The following LGSN variants were observed in gnomAD, a reference collection of about 807,000 sequenced individuals.
The protein encoded by LGSN is lengsin.
LGSN carries 21 observed loss-of-function variants against 19.5 expected under a neutral mutation model. The ratio of observed to expected loss-of-function variants is 1.07; its 90% confidence interval spans 0.76 to 1.55. The LOEUF (loss-of-function observed/expected upper bound fraction) is 1.55. LGSN is among the 40% of genes most tolerant of loss of function. LGSN has a pLI of 0.00. For missense variants in LGSN, 673 were observed against 608.5 expected (o/e 1.11, Z -1.12); for synonymous variants, 257 against 215.6 (o/e 1.19, Z -1.68).
chr6:63,504,935 T>G, the LGSN span, among the ~76,000 whole-genome samples: 1 of 152,174 alleles, frequency 6.6e-6, no homozygotes, highest in Non-Finnish European at 1.5e-5. Context: ...TCAGCTGGCC[T>G]GATGAGAAAG....
the LGSN span, among the ~76,000 whole-genome samples, chr6:63,526,301 G>A: frequency 3.3e-5 from 5 of 151,374 alleles, no homozygotes; most frequent in Admixed American, 2.6e-4. Context: ...CTCCAGCCTG[G>A]GTAACAGAGC....
chr6:63,501,589 A>G, the LGSN span, among the ~76,000 whole-genome samples: 80,795 of 149,892 alleles, frequency 0.54, 23,337 homozygotes, highest in African/African-American at 0.77. Flanking sequence ...GTCTAATGTG[A>G]AAAAAAAAAA....
the LGSN span, among the ~76,000 whole-genome samples, chr6:63,511,712 T>C: frequency 7.2e-5 from 11 of 152,346 alleles, no homozygotes; most frequent in East Asian, 1.9e-3. Flanking sequence ...TATTATTTTA[T>C]GGTTTTGAAT....
At chr6:63,403,344 A>G in the LGSN span, among the ~76,000 whole-genome samples, 1 of 152,122 alleles carries the variant, frequency 6.6e-6, no homozygotes, top group Non-Finnish European at 1.5e-5. Flanking sequence ...TTGAGGAGGA[A>G]AGGTCAAGAT....
Position 63,285,755 on chromosome 6 carries a change from T to G in LGSN, c.164-2A>C, listed in dbSNP as rs1463566597. ...TTTGACTGCTGTCCCTCATGCAATC[T>G]GCAAAATAAAAAAATAGGTTCTAAC... On this transcript the variant is annotated splice_acceptor_variant, in intron 2 of 3. Transcript: ENST00000370657. LOFTEE classifies it high-confidence loss of function. 5 of 1,612,700 alleles carry G rather than the reference T, an allele frequency of 3.1e-6. No homozygotes were observed. The highest frequency in any genetic ancestry group is 2.2e-5 in the East Asian group (1 of 44,870).
chr6:63,552,789 G>C, the LGSN span, among the ~76,000 whole-genome samples: 4 of 152,214 alleles, frequency 2.6e-5, no homozygotes, highest in East Asian at 1.9e-4. Flanking sequence ...TATTAAATAG[G>C]GAAACCTTTC....
At chr6:63,311,415 G>C (rs1768623477) in intron 1 of LGSN, among the ~76,000 whole-genome samples, 1 of 152,216 alleles carries the variant, frequency 6.6e-6, no homozygotes, top group Non-Finnish European at 1.5e-5. Context: ...AATTGATGTG[G>C]ATGATCTGCC....
At chr6:63,495,269 T>C in the LGSN span, among the ~76,000 whole-genome samples, 1 of 151,804 alleles carries the variant, frequency 6.6e-6, no homozygotes, top group African/African-American at 2.4e-5. Context: ...CCCAAAAAAG[T>C]ATTATTTTTT....
chr6:63,485,510 C>T, the LGSN span, among the ~76,000 whole-genome samples: 3 of 152,084 alleles, frequency 2.0e-5, no homozygotes, highest in Non-Finnish European at 2.9e-5. Context: ...GTACATGTGT[C>T]TTTATAATAA....
chr6:63,444,049 C>G, the LGSN span, among the ~76,000 whole-genome samples: 1 of 152,088 alleles, frequency 6.6e-6, no homozygotes, highest in Non-Finnish European at 1.5e-5. Flanking sequence ...TTAACCAACT[C>G]ATAATAGGAG....
At chr6:63,402,538 T>C in the LGSN span, among the ~76,000 whole-genome samples, 4 of 152,212 alleles carry the variant, frequency 2.6e-5, no homozygotes, top group African/African-American at 4.8e-5. Context: ...GGGACTTTGG[T>C]CAGGAAGTGG....
At chr6:63,342,977 G>T in the LGSN span, among the ~76,000 whole-genome samples, 1 of 152,008 alleles carries the variant, frequency 6.6e-6, no homozygotes, top group African/African-American at 2.4e-5. Context: ...GTTTTTCCTT[G>T]TTGGATCAAA....
the LGSN span, among the ~76,000 whole-genome samples, chr6:63,455,475 T>C: frequency 3.9e-5 from 6 of 151,950 alleles, no homozygotes; most frequent in Admixed American, 3.3e-4. Flanking sequence ...CATTTGTGAG[T>C]GGGGCGAGGT....
At chr6:63,416,252 C>T in the LGSN span, among the ~76,000 whole-genome samples, 2 of 152,004 alleles carry the variant, frequency 1.3e-5, no homozygotes, top group African/African-American at 4.8e-5. Context: ...AATCTTCTGC[C>T]AACACGGGCA....
the LGSN span, among the ~76,000 whole-genome samples, chr6:63,510,961 C>G: frequency 6.6e-6 from 1 of 152,070 alleles, no homozygotes; most frequent in Non-Finnish European, 1.5e-5. Context: ...AGGCATGAGC[C>G]ACCGCTCCCG....
chr6:63,540,335 G>GA, the LGSN span, among the ~76,000 whole-genome samples: 3 of 152,080 alleles, frequency 2.0e-5, no homozygotes, highest in Non-Finnish European at 4.4e-5. Flanking sequence ...AGATAGATCT[G>GA]AAAATCCAGG....
chr6:63,412,537 A>AGAAAGAAAGAAAGAAG, the LGSN span, among the ~76,000 whole-genome samples: 2 of 109,494 alleles, frequency 1.8e-5, no homozygotes, highest in African/African-American at 7.6e-5. Flanking sequence ...AAGGAAAGAA[A>AGAAAGAAAGAAAGAAG]GAAAGAAAGA....
chr6:63,521,883 A>T, the LGSN span: 1 of 152,228 alleles, frequency 6.6e-6, no homozygotes, highest in South Asian at 2.1e-4. Context: ...ACAGACTGTT[A>T]GAACAATGGG....
At chr6:63,502,431 T>C in the LGSN span, among the ~76,000 whole-genome samples, 5 of 152,174 alleles carry the variant, frequency 3.3e-5, no homozygotes, top group African/African-American at 1.2e-4. Flanking sequence ...CATTCTATTT[T>C]ACATAATTTC....
Sources: gnomAD v4.1 joint callset for allele counts (sites outside exome capture counted in the v4.1 genomes callset) on GRCh38, gnomAD v4.1.1 for gene constraint, MANE v1.5 for transcripts, NCBI Gene and HGNC (gene_info 2026-07-23, HGNC 2026-07-21) for gene names.